Variants in BMP1 observed in about 807,000 individuals in gnomAD.
BMP1 encodes mammalian tolloid protein.
Under a neutral mutation model 116.8 loss-of-function variants are expected in BMP1, and 63 were observed. That is an observed-to-expected ratio of 0.54 (90% CI 0.44 to 0.67). The LOEUF (loss-of-function observed/expected upper bound fraction) is 0.67. BMP1 is among the 30% of genes least tolerant of loss of function. The pLI, the probability that BMP1 is intolerant of heterozygous loss-of-function variation, is 0.00. For synonymous variants in BMP1, 536 were observed against 533.4 expected, an observed-to-expected ratio of 1.00 and a Z score of -0.07; for missense variants, 1,183 against 1,358.9, an observed-to-expected ratio of 0.87 and a Z score of 2.04.
At chr8:22,196,043 C>T in intron 13 of BMP1, 1 of 371,786 alleles carries the variant, frequency 2.7e-6, no homozygotes, top group Non-Finnish European at 5.3e-6. Flanking sequence ...TGTCACATTG[C>T]AACCCCGAGA....
At position 22,166,749 on chromosome 8, in the gene BMP1, A is replaced by G. The variant is rs74568517; in HGVS notation, c.148+1196A>G. 5.0e-3 allele frequency among the ~76,000 whole-genome samples: 755 copies of G among 152,230 alleles called. 8 individuals are homozygous for G. The highest frequency in any genetic ancestry group is 0.016 in the African/African-American group (664 of 41,538). On this transcript the variant is annotated intron_variant, in intron 1 of 19. Coordinates refer to ENST00000306385, the MANE Select transcript of BMP1 (RefSeq NM_006129.5). ...ACAGGCAGGAATAAGAGACCATCCAATGGAGGAAATCAGGGCAAATCCCTC... is the reference window on the plus strand; with the variant it reads ...ACAGGCAGGAATAAGAGACCATCCAGTGGAGGAAATCAGGGCAAATCCCTC...
rs1048419897 is a variant in BMP1, at chr8:22,189,467, T to A, written c.1078-2582T>A. ...ACACACACACACACACACACATATC[T>A]TATATATTATATAATATATAATATA... On this transcript the variant is annotated intron_variant, in intron 8 of 19. Coordinates refer to ENST00000306385, the MANE Select transcript of BMP1 (RefSeq NM_006129.5). 3.0e-4 allele frequency among the ~76,000 whole-genome samples: 41 copies of A among 136,926 alleles called. 1 individual carries two copies. Among genetic ancestry groups the A allele is most frequent in the African/African-American group, 9.8e-4 (32 of 32,522 alleles). The allele number at this position is 136,926 out of a possible 152,430, so 89.8% of individuals were successfully genotyped here.
rs574213742 is a variant in BMP1 at position 22,173,735 on chromosome 8, G to A, written c.262+20G>A. On this transcript the variant is annotated intron_variant, in intron 2 of 19. Transcript: ENST00000306385. ...CTGCAGGTAAGCCGGGTGCCAATGG[G>A]CCCTCTGTGTCCTAGAAATGGGTTC... 57 of 1,583,600 alleles carry A rather than the reference G, an allele frequency of 3.6e-5. No individual in the cohort carries two copies. Among genetic ancestry groups the A allele is most frequent in the Non-Finnish European group, 4.8e-5 (56 of 1,158,692 alleles).
intron 12 of BMP1, 87 bp from the exon 13 acceptor site, chr8:22,195,375 T>C (rs1036428467): frequency 4.6e-6 from 7 of 1,512,996 alleles, no homozygotes; most frequent in Non-Finnish European, 6.2e-6. Context: ...TGGGTGGGTC[T>C]TGGGGCTGAG....
At chr8:22,186,932 T>G (rs1258703552) in intron 8 of BMP1, among the ~76,000 whole-genome samples, 3 of 152,236 alleles carry the variant, frequency 2.0e-5, no homozygotes, top group Non-Finnish European at 2.9e-5. Context: ...GTACCTATCA[T>G]GTAGTGAGAA....
intron 4 of BMP1, 24 bp downstream of exon 4, chr8:22,176,674 G>A: frequency 6.2e-7 from 1 of 1,611,028 alleles, no homozygotes; most frequent in Non-Finnish European, 8.5e-7. Context: ...CCTAGGCGCT[G>A]TACCTTCCGC....
chr8:22,196,959 G>A, intron 14 of BMP1, 119 bp downstream of exon 14: 3 of 1,331,444 alleles, frequency 2.3e-6, no homozygotes, highest in Non-Finnish European at 2.0e-6. Context: ...CAAATATCGA[G>A]GAGAGACTGC....
intron 4 of BMP1, 47 bp downstream of exon 4, chr8:22,176,697 C>G (rs982013880): frequency 6.3e-7 from 1 of 1,592,584 alleles, no homozygotes; most frequent in African/African-American, 1.3e-5. Flanking sequence ...TTGCCCCAAC[C>G]CAGGTTCTGC....
intron 19 of BMP1, 128 bp downstream of exon 19, chr8:22,209,823 T>G: frequency 9.9e-7 from 1 of 1,011,534 alleles, no homozygotes; most frequent in South Asian, 1.6e-5. Context: ...AGCACGCGTG[T>G]GGCCCTGTGT....
intron 8 of BMP1, among the ~76,000 whole-genome samples, chr8:22,188,547 G>A (rs778045856): frequency 3.9e-5 from 6 of 152,186 alleles, no homozygotes; most frequent in Non-Finnish European, 7.3e-5. Flanking sequence ...CGGAAGCGGT[G>A]GGGCAGGCCA....
chr8:22,184,934 C>G (rs1828723777), intron 8 of BMP1, among the ~76,000 whole-genome samples: 1 of 152,196 alleles, frequency 6.6e-6, no homozygotes, highest in Non-Finnish European at 1.5e-5. Context: ...TTTCATTTGC[C>G]TCCCAATTCT....
chr8:22,177,847 G>T lies in BMP1; in HGVS notation c.731-5G>T. 3 of 1,594,084 alleles carry T rather than the reference G, an allele frequency of 1.9e-6. No homozygotes were observed. Among genetic ancestry groups the T allele is most frequent in the African/African-American group, 1.3e-5 (1 of 74,552 alleles). ...CCCCCCACACCCTTTTCCTGATCTT[G>T]GCAGGGCAGGAGTATAACTTCCTGA... On this transcript the variant is annotated splice_region_variant and splice_polypyrimidine_tract_variant and intron_variant, in intron 5 of 19. Coordinates refer to ENST00000306385, the MANE Select transcript of BMP1 (RefSeq NM_006129.5).
In BMP1 at chr8:22,179,874, T is replaced by C. The variant is rs1336192367; in HGVS notation, c.961+45T>C. On this transcript the variant is annotated intron_variant, in intron 7 of 19. Coordinates refer to ENST00000306385, the MANE Select transcript of BMP1 (RefSeq NM_006129.5). This position sits in a 1 kb window ranked among gnomAD's most constrained non-coding sequence, Gnocchi z 4.6. ...GGGTGAGGGCGTGGAGGGCAGGGCC[T>C]GAGGGAGGCAGAGGCCAGGTGCCTG... The C allele has an allele frequency of 6.3e-7, 1 of 1,576,630 alleles. No individual in the cohort carries two copies. The highest frequency in any genetic ancestry group is 2.3e-5 in the East Asian group (1 of 44,386).
rs549923275 is a variant in BMP1, at chr8:22,210,484, A to C, written c.2826+789A>C. 2.0e-5 allele frequency among the ~76,000 whole-genome samples: 3 copies of C among 148,634 alleles called. No homozygotes were observed. The East Asian group carries it at 6.0e-4, about 29-fold the overall frequency. On this transcript the variant is annotated intron_variant, in intron 19 of 19. Coordinates refer to ENST00000306385, the MANE Select transcript of BMP1 (RefSeq NM_006129.5). ...CTCTCTCTCTCACACACATACACACACACTGGCACACCCACTTGCATGCAC... is the reference window on the plus strand; with the variant it reads ...CTCTCTCTCTCACACACATACACACCCACTGGCACACCCACTTGCATGCAC...
intron 1 of BMP1, among the ~76,000 whole-genome samples, chr8:22,172,550 T>C (rs1400629619): frequency 6.6e-6 from 1 of 151,840 alleles, no homozygotes; most frequent in Non-Finnish European, 1.5e-5. Context: ...AGAAGGTATC[T>C]TCGTTTCCCA....
intron 17 of BMP1, 139 bp downstream of exon 17, chr8:22,207,120 C>G (rs1360712520): frequency 6.9e-7 from 1 of 1,438,856 alleles, no homozygotes; most frequent in African/African-American, 1.4e-5. Flanking sequence ...GACAGAGGCC[C>G]CTTTCCCAGT....
chr8:22,176,877 C>T, intron 4 of BMP1, 84 bp from the exon 5 acceptor site: 5 of 1,272,442 alleles, frequency 3.9e-6, no homozygotes, highest in Non-Finnish European at 5.4e-6. Flanking sequence ...CCTGCCGCCC[C>T]GCCCCCGGCA....
chr8:22,165,532 T>C lies in BMP1; in HGVS notation c.127T>C (p.Tyr43His). 1 of 1,590,186 alleles carries C rather than the reference T, an allele frequency of 6.3e-7. No homozygotes were observed. Among genetic ancestry groups the C allele is most frequent in the East Asian group, 2.4e-5 (1 of 41,610 alleles). ...GGAGGACGACTCGGAGCCCCTCAAC[T>C]ACAAAGACCCCTGCAAGGCGGGTGA... ...AEEDDSEPLNYKDPCKAAAFL... is the reference protein window; with the variant it reads ...AEEDDSEPLNHKDPCKAAAFL... The change falls in exon 1 of 20, where the codon TAC becomes CAC. Residue 43 changes from tyrosine (Y) to histidine (H), a missense_variant. Transcript: ENST00000306385.
chr8:22,175,498 T>C (rs998013785), intron 2 of BMP1, among the ~76,000 whole-genome samples: 6 of 152,242 alleles, frequency 3.9e-5, no homozygotes, highest in African/African-American at 1.4e-4. Flanking sequence ...TAGCAAATAC[T>C]GACCCATTGC....
Sources: gnomAD v4.1 joint callset for allele counts (sites outside exome capture counted in the v4.1 genomes callset) on GRCh38, gnomAD v4.1.1 for gene constraint, Gnocchi (gnomAD v3.1) non-coding constraint, MANE v1.5 for transcripts, NCBI Gene and HGNC (gene_info 2026-07-23, HGNC 2026-07-21) for gene names.